Variants in FAM171A1 observed in about 807,000 individuals in gnomAD.
FAM171A1 encodes family with sequence similarity 171 member A1.
A neutral mutation model predicts 74.9 loss-of-function variants in FAM171A1; 23 were observed. That is an observed-to-expected ratio of 0.31 (90% CI 0.22 to 0.44). The LOEUF (loss-of-function observed/expected upper bound fraction) is 0.44, where lower values mean the gene tolerates loss of function less well. Ranked by LOEUF, FAM171A1 falls within the 20% of genes least tolerant of loss-of-function variation. The pLI, the probability that FAM171A1 is intolerant of heterozygous loss-of-function variation, is 1.00. For synonymous variants in FAM171A1, 527 were observed against 505.7 expected (o/e 1.04, Z -0.57); for missense variants, 1,162 against 1,159.2 (o/e 1.00, Z -0.03).
chr10:15,236,018 C>T lies in FAM171A1; in HGVS notation c.754+12621G>A, dbSNP rs147178636. On this transcript the variant is annotated intron_variant, in intron 5 of 7. Transcript: ENST00000378116. ...GAGCACATTAGGCTCACACACTAGA[C>T]GAACACTCGCTTTGGACATCAGAGA... 3.2e-4 allele frequency among the ~76,000 whole-genome samples: 48 copies of T among 152,254 alleles called. No individual in the cohort carries two copies. In the East Asian group the frequency reaches 4.1e-3, roughly 13 times the overall value.
chr10:15,248,742 C>G lies in FAM171A1; in HGVS notation c.651G>C (p.Pro217=). 6.2e-7 allele frequency: 1 copy of G among 1,613,762 alleles called. No individual in the cohort carries two copies. The stretch of plus-strand genomic sequence containing the variant: ...CATAGATGGGACCATCCACCAGCAC[C>G]GGCGTTCCATTACTGCTCAGCAAGT... ...SVHLLSSNGT[P]VLVDGPIYVT... is the part of the protein sequence containing the mutation. Residue 217 remains proline (P), a synonymous_variant, in exon 5 of 8, where the codon CCG becomes CCC. Transcript: ENST00000378116.
At chr10:15,250,898 C>T (rs1019157912) in intron 4 of FAM171A1, among the ~76,000 whole-genome samples, 3 of 152,178 alleles carry the variant, frequency 2.0e-5, no homozygotes, top group African/African-American at 4.8e-5. Context: ...TGTCCAAGTA[C>T]GTAGGTAGCA....
chr10:15,231,954 G>A lies in FAM171A1; in HGVS notation c.755-10894C>T, dbSNP rs192987548. Among the ~76,000 whole-genome samples, 7 of 152,194 alleles carry A rather than the reference G, an allele frequency of 4.6e-5. No homozygotes were observed. The East Asian group carries it at 9.7e-4, about 21-fold the overall frequency. ...AAAAAACAAAAAAATTAGCTGGGCC[G>A]TGGTGGCAGGTGCCTGTAGTCCCAG... is the stretch of plus-strand genomic sequence containing the variant. On this transcript the variant is annotated intron_variant, in intron 5 of 7. Coordinates refer to ENST00000378116, the MANE Select transcript of FAM171A1 (RefSeq NM_001010924.2).
Position 15,283,983 on chromosome 10 carries a change from C to A in FAM171A1, c.220G>T (p.Ala74Ser), listed in dbSNP as rs762827738. The A allele has an allele frequency of 2.5e-6, 4 of 1,614,150 alleles. No homozygotes were observed. The highest frequency in any genetic ancestry group is 1.1e-5 in the South Asian group (1 of 91,076). The change falls in exon 2 of 8, where the codon GCC (alanine) becomes TCC (serine). Residue 74 changes from alanine (A) to serine (S), a missense_variant. Coordinates refer to ENST00000378116, the MANE Select transcript of FAM171A1 (RefSeq NM_001010924.2). The stretch of plus-strand genomic sequence containing the variant: ...AGCTTATACTGGAACTTGATAAAGG[C>A]GACGCCATCAGTCCCCGAGGTGCCA... ...ASGTSGTDGVAFIKFQYKLGS... is the reference protein window; with the variant it reads ...ASGTSGTDGVSFIKFQYKLGS...
At chr10:15,285,336 T>G (rs1184872201) in intron 1 of FAM171A1, among the ~76,000 whole-genome samples, 1 of 152,144 alleles carries the variant, frequency 6.6e-6, no homozygotes, top group East Asian at 1.9e-4. Flanking sequence ...ATGAGCTCCG[T>G]AAAAGGATTA....
intron 1 of FAM171A1, among the ~76,000 whole-genome samples, chr10:15,339,553 G>A (rs937679078): frequency 6.6e-6 from 1 of 152,142 alleles, no homozygotes; most frequent in Non-Finnish European, 1.5e-5. Context: ...GAAGACCATG[G>A]CAGTGAAGTG....
chr10:15,369,295 G>A (rs1836105335), intron 1 of FAM171A1, among the ~76,000 whole-genome samples: 1 of 150,858 alleles, frequency 6.6e-6, no homozygotes, highest in Admixed American at 6.6e-5. Flanking sequence ...CCATATATTG[G>A]TATTTCAAGT....
chr10:15,340,192 T>C (rs958670181), intron 1 of FAM171A1, among the ~76,000 whole-genome samples: 46 of 152,298 alleles, frequency 3.0e-4, no homozygotes, highest in African/African-American at 1.0e-3. Flanking sequence ...TCCCCATCAG[T>C]AAATGGGGAT....
At chr10:15,230,491 A>G (rs1451154010) in intron 5 of FAM171A1, among the ~76,000 whole-genome samples, 1 of 152,186 alleles carries the variant, frequency 6.6e-6, no homozygotes, top group Non-Finnish European at 1.5e-5. Context: ...ATTAAGGGCA[A>G]CTCATTGTAA....
intron 3 of FAM171A1, among the ~76,000 whole-genome samples, chr10:15,267,256 C>T (rs534040863): frequency 5.3e-5 from 8 of 152,258 alleles, no homozygotes; most frequent in Non-Finnish European, 7.4e-5. Context: ...GGCACAGAAC[C>T]GATGACTGTG....
intron 1 of FAM171A1, among the ~76,000 whole-genome samples, chr10:15,352,300 G>T (rs1835889448): frequency 6.6e-6 from 1 of 152,076 alleles, no homozygotes; most frequent in Non-Finnish European, 1.5e-5. Flanking sequence ...GGGTTGACAA[G>T]TATCTAACTT....
At chr10:15,235,216 C>A (rs969076240) in intron 5 of FAM171A1, among the ~76,000 whole-genome samples, 3 of 143,346 alleles carry the variant, frequency 2.1e-5, no homozygotes, top group Non-Finnish European at 3.0e-5. Flanking sequence ...ACAGGAGAAT[C>A]GCTTGAACCT....
At chr10:15,289,426 C>G (rs1835077676) in intron 1 of FAM171A1, among the ~76,000 whole-genome samples, 1 of 152,182 alleles carries the variant, frequency 6.6e-6, no homozygotes, top group African/African-American at 2.4e-5. Context: ...TTTTCTCACT[C>G]CATACCCTGC....
At chr10:15,276,021 C>T (rs1031530314) in intron 2 of FAM171A1, 74 bp from the exon 3 acceptor site, 3 of 1,037,472 alleles carry the variant, frequency 2.9e-6, no homozygotes, top group Non-Finnish European at 2.9e-6. Context: ...TTTTGGGATA[C>T]TCTGCAGTTT....
intron 1 of FAM171A1, among the ~76,000 whole-genome samples, chr10:15,286,022 C>T (rs573688287): frequency 2.6e-4 from 40 of 152,338 alleles, no homozygotes; most frequent in South Asian, 8.3e-4. Flanking sequence ...CTCTAGGCCC[C>T]AGTTTCCCCA....
chr10:15,359,113 A>G (rs955471449), intron 1 of FAM171A1, among the ~76,000 whole-genome samples: 4 of 152,178 alleles, frequency 2.6e-5, no homozygotes, highest in Admixed American at 2.6e-4. Context: ...CACCGAGCAC[A>G]TGTTTCCTAA....
chr10:15,226,422 T>C (rs9424225), intron 5 of FAM171A1, among the ~76,000 whole-genome samples: 4,078 of 152,234 alleles, frequency 0.027, 192 homozygotes, highest in African/African-American at 0.092. Context: ...TTGAACCCCC[T>C]CTTTAATGGA....
chr10:15,275,975 G>T, intron 2 of FAM171A1, 28 bp from the exon 3 acceptor site: 1 of 1,533,866 alleles, frequency 6.5e-7, no homozygotes, highest in South Asian at 1.2e-5. Context: ...GGATAGAAGG[G>T]GATTTTAATA....
At chr10:15,239,964 T>C (rs892652698) in intron 5 of FAM171A1, among the ~76,000 whole-genome samples, 3 of 152,254 alleles carry the variant, frequency 2.0e-5, no homozygotes, top group Non-Finnish European at 2.9e-5. Context: ...CCTTTGAGTA[T>C]CATGATGGAC....
Sources: allele counts gnomAD v4.1 joint callset (sites outside exome capture counted in the v4.1 genomes callset), GRCh38; gene constraint gnomAD v4.1.1; transcripts MANE v1.5; gene names NCBI Gene and HGNC (gene_info 2026-07-23, HGNC 2026-07-21).